Variants in MTAP observed in about 807,000 individuals in gnomAD.
MTAP encodes the protein methylthioadenosine phosphorylase, also known as S-methyl-5'-thioadenosine phosphorylase.
Under a neutral mutation model 33.6 loss-of-function variants are expected in MTAP, and 33 were observed. That is an observed-to-expected ratio of 0.98 (90% CI 0.74 to 1.31). The LOEUF (loss-of-function observed/expected upper bound fraction) is 1.31, where lower values mean the gene tolerates loss of function less well. MTAP is among the 40% of genes most tolerant of loss of function. The pLI, the probability that MTAP is intolerant of heterozygous loss-of-function variation, is 0.00. For synonymous variants in MTAP, 148 were observed against 125.7 expected (o/e 1.18, Z -1.19); for missense variants, 367 against 360.0 (o/e 1.02, Z -0.16).
intron 1 of MTAP, among the ~76,000 whole-genome samples, chr9:21,907,671 G>T (rs1018571655): frequency 7.0e-6 from 1 of 143,524 alleles, no homozygotes; most frequent in Non-Finnish European, 1.5e-5. Flanking sequence ...ACCTGTGTGG[G>T]TGTTTTTTTT....
At chr9:21,845,436 G>A (rs1825357166) in intron 5 of MTAP, among the ~76,000 whole-genome samples, 1 of 150,112 alleles carries the variant, frequency 6.7e-6, no homozygotes, top group African/African-American at 2.4e-5. Flanking sequence ...ACAGTTGCAG[G>A]AAAAAAAAAG....
intron 1 of MTAP, among the ~76,000 whole-genome samples, chr9:21,812,996 A>G (rs1824388464): frequency 6.6e-6 from 1 of 152,252 alleles, no homozygotes; most frequent in African/African-American, 2.4e-5. Flanking sequence ...AAGGCCACTG[A>G]AGCACTTAGC....
At chr9:21,873,179 A>G (rs1028704582) in intron 1 of MTAP, among the ~76,000 whole-genome samples, 5 of 152,314 alleles carry the variant, frequency 3.3e-5, no homozygotes, top group African/African-American at 9.6e-5. Flanking sequence ...TGGAAAAAAA[A>G]GTTACATAAA....
At chr9:21,882,646 C>A (rs141113485) in intron 1 of MTAP, among the ~76,000 whole-genome samples, 112 of 151,948 alleles carry the variant, frequency 7.4e-4, no homozygotes, top group African/African-American at 2.4e-3. Context: ...ATTAAGTAAA[C>A]GTTTTATATG....
intron 1 of MTAP, among the ~76,000 whole-genome samples, chr9:21,899,478 G>A (rs1016989970): frequency 1.3e-5 from 2 of 152,058 alleles, no homozygotes; most frequent in Admixed American, 6.6e-5. Context: ...AACTGCCCAA[G>A]ATTGGGTAAT....
chr9:21,920,481 G>A (rs1818772287), intron 1 of MTAP, among the ~76,000 whole-genome samples: 1 of 152,116 alleles, frequency 6.6e-6, no homozygotes, highest in Non-Finnish European at 1.5e-5. Flanking sequence ...TACTTAGTTT[G>A]GAGGACTTTC....
Position 21,862,823 on chromosome 9 carries a change from T to G in MTAP, c.*809T>G. On this transcript the variant is annotated 3_prime_UTR_variant, in exon 8 of 8. Transcript: ENST00000644715. ...AAATATATATAACCTTGTTATTGTA[T>G]TTGGGGGAGGGATACTGGGATAATT... 6.9e-6 allele frequency: 3 copies of G among 434,338 alleles called. No homozygotes were observed. The highest frequency in any genetic ancestry group is 6.1e-6 in the Non-Finnish European group (2 of 327,168). The allele number at this position is 434,338 out of a possible 1,614,324, so 26.9% of individuals were successfully genotyped here. A position where few individuals can be genotyped will look rare whatever the true frequency, so the allele number is the denominator to read the frequency against.
intron 1 of MTAP, among the ~76,000 whole-genome samples, chr9:21,908,376 T>C (rs1818507669): frequency 6.6e-6 from 1 of 152,164 alleles, no homozygotes; most frequent in South Asian, 2.1e-4. Flanking sequence ...GACATTTGTG[T>C]GTTTCCAGTT....
At chr9:21,835,558 C>G (rs10118544) in intron 4 of MTAP, among the ~76,000 whole-genome samples, 1,835 of 152,200 alleles carry the variant, frequency 0.012, 35 homozygotes, top group African/African-American at 0.038. Flanking sequence ...CTTAATTGGG[C>G]AACAGTCCCC....
chr9:21,910,427 T>G lies in MTAP; in HGVS notation c.148-20581T>G, dbSNP rs145313758. ...GAGAAGCAAGCAACATTAAATGGGG[T>G]GGTCACTATTGGAAGATGACATATG... On this transcript the variant is annotated intron_variant, in intron 1 of 1. Coordinates refer to the MTAP transcript ENST00000577563. Among the ~76,000 whole-genome samples the G allele has an allele frequency of 3.3e-5, 5 of 152,030 alleles. No homozygotes were observed. In the East Asian group the frequency reaches 9.6e-4, roughly 29 times the overall value.
chr9:21,849,903 C>T (rs1378357458), intron 5 of MTAP, among the ~76,000 whole-genome samples: 3 of 152,242 alleles, frequency 2.0e-5, no homozygotes, highest in Admixed American at 6.5e-5. Flanking sequence ...CAGCCATTGA[C>T]TTGGAAAATG....
At chr9:21,889,030 AG>A (rs978926883) in intron 1 of MTAP, among the ~76,000 whole-genome samples, 46 of 152,114 alleles carry the variant, frequency 3.0e-4, no homozygotes, top group Admixed American at 1.0e-3. Context: ...CTAGATCTCT[AG>A]CAAAGCCAGG....
chr9:21,830,662 C>T (rs1265104780), intron 4 of MTAP, among the ~76,000 whole-genome samples: 2 of 152,186 alleles, frequency 1.3e-5, no homozygotes, highest in Non-Finnish European at 1.5e-5. Flanking sequence ...AACTTCTCTC[C>T]TATGGTACAC....
At position 21,862,945 on chromosome 9, in the gene MTAP, G is replaced by A. The variant is rs1407362242; in HGVS notation, c.*931G>A. ...GTAAAAATAAAAGTGGATTTAGAAA[G>A]ATCCAGTTCTTGAAAACACTGTTTC... On this transcript the variant is annotated 3_prime_UTR_variant, in exon 8 of 8. Transcript: ENST00000644715. 8.2e-6 allele frequency: 8 copies of A among 981,506 alleles called. No homozygotes were observed. The highest frequency in any genetic ancestry group is 6.2e-5 in the Admixed American group (1 of 16,254). 60.8% of individuals were successfully genotyped at this position (981,506 alleles called of 1,614,324 possible). A position where few individuals can be genotyped will look rare whatever the true frequency, so the allele number is the denominator to read the frequency against.
At chr9:21,900,336 A>T (rs1012134369) in intron 1 of MTAP, among the ~76,000 whole-genome samples, 2 of 152,012 alleles carry the variant, frequency 1.3e-5, no homozygotes, top group Non-Finnish European at 2.9e-5. Flanking sequence ...CAAGGAAAAA[A>T]ATTTAAAAAT....
chr9:21,852,668 A>G (rs1587247759), intron 5 of MTAP, among the ~76,000 whole-genome samples: 2 of 150,566 alleles, frequency 1.3e-5, no homozygotes, highest in Non-Finnish European at 2.9e-5. Context: ...ACTTATATAC[A>G]TCACAATAAA....
At chr9:21,819,840 G>C (rs1425627887) in intron 4 of MTAP, among the ~76,000 whole-genome samples, 4 of 152,164 alleles carry the variant, frequency 2.6e-5, no homozygotes, top group African/African-American at 9.7e-5. Context: ...ATTCTAACTG[G>C]TGTGAGATGG....
chr9:21,833,554 A>G (rs1825025496), intron 4 of MTAP, among the ~76,000 whole-genome samples: 1 of 152,130 alleles, frequency 6.6e-6, no homozygotes, highest in South Asian at 2.1e-4. Context: ...ATGACTGCCT[A>G]TTCACGCTGC....
chr9:21,849,699 A>G (rs936568317), intron 5 of MTAP, among the ~76,000 whole-genome samples: 1 of 152,230 alleles, frequency 6.6e-6, no homozygotes, highest in African/African-American at 2.4e-5. Context: ...GACTTGAAAG[A>G]CGCAGGGATG....
Sources: gnomAD v4.1 joint callset for allele counts (sites outside exome capture counted in the v4.1 genomes callset) on GRCh38, gnomAD v4.1.1 for gene constraint, MANE v1.5 for transcripts, NCBI Gene and HGNC (gene_info 2026-07-23, HGNC 2026-07-21) for gene names.